TMEM231: variants seen among roughly 807,000 people sequenced by gnomAD.
TMEM231 encodes the protein transmembrane protein 231.
Under a neutral mutation model 38.5 loss-of-function variants are expected in TMEM231, and 40 were observed. The observed-to-expected ratio is 1.04, with a 90% CI of 0.81 to 1.35. TMEM231 has a LOEUF of 1.35. TMEM231 is among the 40% of genes most tolerant of loss of function. TMEM231 has a pLI of 0.00. For synonymous variants in TMEM231, 199 were observed against 181.7 expected (o/e 1.10, Z -0.77); for missense variants, 420 against 416.9 (o/e 1.01, Z -0.07).
At chr16:75,545,248 C>G in intron 4 of TMEM231, 104 bp downstream of exon 4, 1 of 1,487,486 alleles carries the variant, frequency 6.7e-7, no homozygotes, top group Non-Finnish European at 9.1e-7. Flanking sequence ...GTATGAGCCA[C>G]TGCGCCTGGC....
chr16:75,550,096 T>C (rs934583216), intron 2 of TMEM231, among the ~76,000 whole-genome samples: 7 of 152,054 alleles, frequency 4.6e-5, no homozygotes, highest in African/African-American at 1.4e-4. Flanking sequence ...AACACAGAGA[T>C]AGTAGCTGCA....
At chr16:75,553,812 C>G (rs963770155) in intron 2 of TMEM231, among the ~76,000 whole-genome samples, 2 of 152,078 alleles carry the variant, frequency 1.3e-5, no homozygotes, top group African/African-American at 4.8e-5. Flanking sequence ...TGTGAGCTAT[C>G]ATTTCTGGCG....
chr16:75,552,801 C>T (rs1005312165), intron 2 of TMEM231, among the ~76,000 whole-genome samples: 1 of 152,104 alleles, frequency 6.6e-6, no homozygotes, highest in African/African-American at 2.4e-5. Context: ...TTGATAACCA[C>T]AGACAGGAAG....
At position 75,537,448 on chromosome 16, in the gene TMEM231, G is replaced by C. The variant is rs1383993629; in HGVS notation, c.*2546C>G. 1 of 151,324 alleles carries C rather than the reference G, an allele frequency of 6.6e-6. No homozygotes were observed. Among genetic ancestry groups the C allele is most frequent in the African/African-American group, 2.4e-5 (1 of 41,184 alleles). The allele number at this position is 151,324 out of a possible 1,614,324, so 9.4% of individuals were successfully genotyped here. A position where few individuals can be genotyped will look rare whatever the true frequency, so the allele number is the denominator to read the frequency against. On this transcript the variant is annotated 3_prime_UTR_variant, in exon 7 of 7. Transcript: ENST00000258173. Reference sequence around the variant, plus strand: ...AGTAATAACATCAAACCTTAACTTAGCTATGGGTCGGAGCTGAGTTAATAA... The same window carrying C: ...AGTAATAACATCAAACCTTAACTTACCTATGGGTCGGAGCTGAGTTAATAA...
chr16:75,544,494 G>A (rs1421031092), intron 4 of TMEM231, among the ~76,000 whole-genome samples: 1 of 152,124 alleles, frequency 6.6e-6, no homozygotes, highest in Non-Finnish European at 1.5e-5. Context: ...GGGAGCAAGC[G>A]GGGGCAGTGA....
chr16:75,540,667 A>G (rs1258766012), intron 6 of TMEM231, among the ~76,000 whole-genome samples: 1 of 152,250 alleles, frequency 6.6e-6, no homozygotes, highest in Non-Finnish European at 1.5e-5. Flanking sequence ...CTAAGTCAAA[A>G]TTAAACCAAA....
intron 2 of TMEM231, among the ~76,000 whole-genome samples, chr16:75,546,448 TTTG>T (rs1187566691): frequency 4.0e-5 from 6 of 149,020 alleles, no homozygotes; most frequent in Non-Finnish European, 8.8e-5. Flanking sequence ...TCTATTTTTT[TTTG>T]TTTTTTTTTG....
At chr16:75,553,958 G>A (rs2080786824) in intron 2 of TMEM231, among the ~76,000 whole-genome samples, 1 of 152,114 alleles carries the variant, frequency 6.6e-6, no homozygotes, top group Admixed American at 6.6e-5. Context: ...AGATGATTTA[G>A]CTTCTTCTCT....
intron 2 of TMEM231, among the ~76,000 whole-genome samples, chr16:75,554,512 C>G (rs1240206962): frequency 1.4e-5 from 2 of 144,552 alleles, no homozygotes; most frequent in East Asian, 4.0e-4. Flanking sequence ...CAGCACTGCA[C>G]TCCAGCCTGG....
rs2080597329 is a variant in TMEM231 at position 75,539,629 on chromosome 16, T to A, written c.*365A>T. On this transcript the variant is annotated 3_prime_UTR_variant, in exon 7 of 7. Coordinates refer to ENST00000258173, the MANE Select transcript of TMEM231 (RefSeq NM_001077418.3). ...CACAACAGAAGGTAGAAATGCACAG[T>A]GTGTTCCTCAGTTCAACAGAGGAAA... The A allele has an allele frequency of 5.8e-6, 1 of 171,380 alleles. No homozygotes were observed. The highest frequency in any genetic ancestry group is 1.9e-4 in the South Asian group (1 of 5,196). The allele number at this position is 171,380 out of a possible 1,614,324, so 10.6% of individuals were successfully genotyped here. A position where few individuals can be genotyped will look rare whatever the true frequency, so the allele number is the denominator to read the frequency against.
At chr16:75,548,160 AG>A (rs1377278045) in intron 2 of TMEM231, among the ~76,000 whole-genome samples, 6 of 152,210 alleles carry the variant, frequency 3.9e-5, no homozygotes, top group Non-Finnish European at 5.9e-5. Flanking sequence ...ACAGGATTTG[AG>A]ATCAGGTGAC....
chr16:75,555,784 C>G lies in TMEM231; in HGVS notation c.309+20G>C. The G allele has an allele frequency of 4.6e-6, 7 of 1,510,002 alleles. No homozygotes were observed. Among genetic ancestry groups the G allele is most frequent in the Non-Finnish European group, 6.2e-6 (7 of 1,126,124 alleles). 93.5% of individuals were successfully genotyped at this position (1,510,002 alleles called of 1,614,324 possible). On this transcript the variant is annotated intron_variant, in intron 2 of 6. Coordinates refer to ENST00000258173, the MANE Select transcript of TMEM231 (RefSeq NM_001077418.3). Reference sequence around the variant, plus strand: ...ACCCTATCCCCGACTCTGCCCCAGGCCCAGGCGGGAACCACGCACCGAAAC... The same window carrying G: ...ACCCTATCCCCGACTCTGCCCCAGGGCCAGGCGGGAACCACGCACCGAAAC...
chr16:75,546,038 C>T lies in TMEM231; in HGVS notation c.310-84G>A. The T allele has an allele frequency of 1.9e-6, 3 of 1,559,978 alleles. No individual in the cohort carries two copies. In the South Asian group the frequency reaches 3.6e-5, roughly 19 times the overall value. ...CATCACTTCTGTAAATACACAATGA[C>T]CCACTGTCTTGCTGTACACAACAGG... On this transcript the variant is annotated intron_variant, in intron 2 of 6. Transcript: ENST00000258173.
intron 4 of TMEM231, among the ~76,000 whole-genome samples, 192 bp from the exon 5 acceptor site, chr16:75,542,875 A>G (rs189151261): frequency 6.6e-6 from 1 of 151,424 alleles, no homozygotes; most frequent in African/African-American, 2.4e-5. Flanking sequence ...CCCACAGAGC[A>G]CCCTCTTGTT....
intron 2 of TMEM231, chr16:75,554,952 T>C (rs529030246): frequency 6.6e-6 from 1 of 152,232 alleles, no homozygotes; most frequent in South Asian, 2.1e-4. Flanking sequence ...ATTTAGTTGC[T>C]GGGAACAAGT....
chr16:75,555,932 C>T lies in TMEM231; in HGVS notation c.181G>A (p.Val61Met). The change falls in exon 2 of 7, where the codon GTG becomes ATG. Residue 61 changes from valine (V) to methionine (M), a missense_variant. Physicochemically the swap from Val to Met is conservative, Grantham distance 21 (BLOSUM62 1). Transcript: ENST00000258173. ...KRSSYEEQPT[V>M]RFQHQVLLVA... ...AGCAGCACCTGGTGTTGGAAGCGCA[C>T]GGTCGGCTGCTCCTCGTAGCTGCTC... is the stretch of plus-strand genomic sequence containing the variant. The T allele has an allele frequency of 6.2e-7, 1 of 1,604,250 alleles. No homozygotes were observed. Among genetic ancestry groups the T allele is most frequent in the Non-Finnish European group, 8.5e-7 (1 of 1,175,914 alleles).
intron 6 of TMEM231, among the ~76,000 whole-genome samples, chr16:75,540,602 T>C (rs558673425): frequency 2.2e-4 from 34 of 152,362 alleles, no homozygotes; most frequent in Non-Finnish European, 3.7e-4. Flanking sequence ...AAATGCCTTC[T>C]CTTTTGTTTG....
rs1342956786 is a variant in TMEM231, at chr16:75,539,135, G to C, written c.*859C>G. 4 of 151,758 alleles carry C rather than the reference G, an allele frequency of 2.6e-5. No individual in the cohort carries two copies. Among genetic ancestry groups the C allele is most frequent in the Non-Finnish European group, 5.9e-5 (4 of 67,942 alleles). 9.4% of individuals were successfully genotyped at this position (151,758 alleles called of 1,614,324 possible). On this transcript the variant is annotated 3_prime_UTR_variant, in exon 7 of 7. Transcript: ENST00000258173. ...GTCGCCCCTGTCCTTTGCAGGAAGGGGGAGGGCTGTCAAGGAGGAGGAGGG... is the reference window on the plus strand; with the variant it reads ...GTCGCCCCTGTCCTTTGCAGGAAGGCGGAGGGCTGTCAAGGAGGAGGAGGG...
Position 75,537,592 on chromosome 16 carries a change from TTC to T in TMEM231, c.*2400_*2401del, listed in dbSNP as rs1426827775. The T allele has an allele frequency of 2.0e-5, 3 of 151,946 alleles. No individual in the cohort carries two copies. The highest frequency in any genetic ancestry group is 4.4e-5 in the Non-Finnish European group (3 of 68,070). The allele number at this position is 151,946 out of a possible 1,614,324, so 9.4% of individuals were successfully genotyped here. A position where few individuals can be genotyped will look rare whatever the true frequency, so the allele number is the denominator to read the frequency against. ...ACCTCCGCCTCCAGGGTTCAAGCGA[TTC>T]TCCTGCCTCAGCCTACTAAATAGTT... On this transcript the variant is annotated 3_prime_UTR_variant, in exon 7 of 7. Coordinates refer to ENST00000258173, the MANE Select transcript of TMEM231 (RefSeq NM_001077418.3).
Sources: allele counts gnomAD v4.1 joint callset (sites outside exome capture counted in the v4.1 genomes callset), GRCh38; gene constraint gnomAD v4.1.1; transcripts MANE v1.5; gene names NCBI Gene and HGNC (gene_info 2026-07-23, HGNC 2026-07-21).